The following SORCS2 variants were observed in gnomAD, a reference collection of about 807,000 sequenced individuals.
SORCS2 encodes the protein sortilin related VPS10 domain containing receptor 2, also known as VPS10 domain-containing receptor SorCS2.
Under a neutral mutation model 141.6 loss-of-function variants are expected in SORCS2, and 100 were observed. That is an observed-to-expected ratio of 0.71 (90% confidence interval 0.60 to 0.83). The LOEUF (loss-of-function observed/expected upper bound fraction) is 0.83. Ranked by LOEUF, SORCS2 falls within the 40% of genes least tolerant of loss-of-function variation. The pLI is 0.00. For missense variants in SORCS2, 1,646 were observed against 1,560.2 expected (o/e 1.05, Z -0.93); for synonymous variants, 789 against 676.9 (o/e 1.17, Z -2.57).
chr4:7,492,139 G>C (rs913043018), intron 2 of SORCS2, among the ~76,000 whole-genome samples: 1 of 152,222 alleles, frequency 6.6e-6, no homozygotes, highest in African/African-American at 2.4e-5. Context: ...GCTGCTCCCA[G>C]CAGGCCCGAC....
chr4:7,729,043 G>A (rs536699510), intron 22 of SORCS2, among the ~76,000 whole-genome samples: 237 of 152,348 alleles, frequency 1.6e-3, no homozygotes, highest in African/African-American at 5.3e-3. Flanking sequence ...GGGCACTGAA[G>A]GTTGAATCAG....
At chr4:7,463,854 G>A (rs986438071) in intron 2 of SORCS2, among the ~76,000 whole-genome samples, 1 of 152,198 alleles carries the variant, frequency 6.6e-6, no homozygotes, top group African/African-American at 2.4e-5. Context: ...TTTCCCAGCT[G>A]TCACACTGGG....
At chr4:7,328,840 G>A (rs1310998631) in intron 1 of SORCS2, among the ~76,000 whole-genome samples, 3 of 152,166 alleles carry the variant, frequency 2.0e-5, no homozygotes, top group South Asian at 2.1e-4. Flanking sequence ...CATCTCTACC[G>A]TCCCTTCCGG....
chr4:7,360,328 G>A lies in SORCS2; in HGVS notation c.481-35960G>A, dbSNP rs141559424. ...CATGCCCCAAATTTCACAGCAGGAC[G>A]GTGGCAGGGAAGGGGTCCCAACCCT... On this transcript the variant is annotated intron_variant, in intron 1 of 26. Transcript: ENST00000507866. 4.9e-3 allele frequency among the ~76,000 whole-genome samples: 747 copies of A among 152,214 alleles called. 3 individuals are homozygous for A. The highest frequency in any genetic ancestry group is 7.6e-3 in the Non-Finnish European group (519 of 68,018).
intron 3 of SORCS2, among the ~76,000 whole-genome samples, chr4:7,625,456 C>T (rs916747171): frequency 7.2e-5 from 11 of 151,926 alleles, no homozygotes; most frequent in Admixed American, 2.6e-4. Flanking sequence ...GGGGCTAGTG[C>T]CTAGCACAGA....
At chr4:7,707,564 T>G (rs1419848495) in intron 14 of SORCS2, among the ~76,000 whole-genome samples, 2 of 152,222 alleles carry the variant, frequency 1.3e-5, no homozygotes, top group Admixed American at 6.5e-5. Context: ...GGGCCTTCCC[T>G]GCCACCAGGC....
intron 1 of SORCS2, among the ~76,000 whole-genome samples, chr4:7,259,984 T>TG (rs1156278493): frequency 6.6e-6 from 1 of 152,216 alleles, no homozygotes; most frequent in Non-Finnish European, 1.5e-5. Context: ...GAGGGTGATT[T>TG]GGGGGAATGA....
intron 10 of SORCS2, among the ~76,000 whole-genome samples, chr4:7,686,738 C>T (rs981891868): frequency 1.9e-4 from 29 of 152,252 alleles, no homozygotes; most frequent in African/African-American, 7.0e-4. Context: ...CCGGCATTGC[C>T]CTTCTTTTCA....
At chr4:7,290,149 G>T (rs2108875864) in intron 1 of SORCS2, among the ~76,000 whole-genome samples, 1 of 152,298 alleles carries the variant, frequency 6.6e-6, no homozygotes, top group East Asian at 1.9e-4. Flanking sequence ...GGCCCCAGGG[G>T]AGGTGGGTTC....
At chr4:7,439,405 G>A (rs542113807) in intron 2 of SORCS2, among the ~76,000 whole-genome samples, 1 of 152,252 alleles carries the variant, frequency 6.6e-6, no homozygotes, top group East Asian at 1.9e-4. Flanking sequence ...CCATAGCACT[G>A]TGAAATGCAA....
chr4:7,607,302 C>T (rs757393317), intron 3 of SORCS2, among the ~76,000 whole-genome samples: 4 of 152,196 alleles, frequency 2.6e-5, no homozygotes, highest in Non-Finnish European at 4.4e-5. Flanking sequence ...AGATGCTCCA[C>T]GCAGACGCTT....
At chr4:7,689,389 C>A in intron 10 of SORCS2, 97 bp from the exon 11 acceptor site, 1 of 1,216,118 alleles carries the variant, frequency 8.2e-7, no homozygotes, top group Non-Finnish European at 1.2e-6. Context: ...GCCTTCTCTC[C>A]CAAAAAGCCA....
intron 1 of SORCS2, among the ~76,000 whole-genome samples, chr4:7,391,972 A>G (rs1723891552): frequency 6.6e-6 from 1 of 152,238 alleles, no homozygotes; most frequent in Non-Finnish European, 1.5e-5. Context: ...GAGGAGTGGC[A>G]GCTGCTGCCG....
At chr4:7,649,317 G>A (rs1721282785) in intron 4 of SORCS2, among the ~76,000 whole-genome samples, 1 of 150,834 alleles carries the variant, frequency 6.6e-6, no homozygotes, top group Non-Finnish European at 1.5e-5. Flanking sequence ...CATGCAGGGA[G>A]TGAGCAGGAT....
At chr4:7,543,494 TCCATCC>T (rs1712874028) in intron 3 of SORCS2, among the ~76,000 whole-genome samples, 1 of 17,678 alleles carries the variant, frequency 5.7e-5, no homozygotes, top group Non-Finnish European at 2.2e-4. Flanking sequence ...CACTCATCCA[TCCATCC>T]ATCCATCCAT....
At chr4:7,300,372 G>C (rs377521874) in intron 1 of SORCS2, among the ~76,000 whole-genome samples, 49 of 152,120 alleles carry the variant, frequency 3.2e-4, no homozygotes, top group African/African-American at 1.1e-3. Flanking sequence ...GAGAAAAAGC[G>C]AAGGACTTCC....
intron 8 of SORCS2, among the ~76,000 whole-genome samples, chr4:7,673,372 G>A (rs1258378007): frequency 6.6e-6 from 1 of 152,210 alleles, no homozygotes; most frequent in Admixed American, 6.5e-5. Flanking sequence ...AAATGTTCAT[G>A]ACCATCTCGC....
intron 17 of SORCS2, among the ~76,000 whole-genome samples, chr4:7,716,037 C>T (rs1245788380): frequency 6.6e-6 from 1 of 152,230 alleles, no homozygotes; most frequent in African/African-American, 2.4e-5. Flanking sequence ...CGATGCTTTT[C>T]CTCCACCAGA....
intron 1 of SORCS2, among the ~76,000 whole-genome samples, chr4:7,294,721 C>G (rs1344369268): frequency 1.1e-5 from 1 of 90,572 alleles, no homozygotes; most frequent in African/African-American, 4.5e-5. Context: ...TCCTCTCCCT[C>G]CTCCTCCTCC....
Sources: allele counts gnomAD v4.1 joint callset (sites outside exome capture counted in the v4.1 genomes callset), GRCh38; gene constraint gnomAD v4.1.1; transcripts MANE v1.5; gene names NCBI Gene and HGNC (gene_info 2026-07-23, HGNC 2026-07-21).